Variants in CREB3L2 observed in about 807,000 individuals in gnomAD.
CREB3L2 encodes cyclic AMP-responsive element-binding protein 3-like protein 2.
In CREB3L2, 23 loss-of-function variants were observed where a neutral mutation model predicts 57.2. The ratio of observed to expected loss-of-function variants is 0.40; its 90% CI spans 0.29 to 0.57. CREB3L2 has a LOEUF of 0.57. Among genes scored for constraint, CREB3L2 ranks in the 20% least tolerant of loss-of-function variants. The probability of loss-of-function intolerance (pLI) is 0.42; values close to 1 mark genes in which losing one functional copy is unlikely to be tolerated. For synonymous variants in CREB3L2, 268 were observed against 265.1 expected (o/e 1.01, Z -0.11); for missense variants, 628 against 634.7 (o/e 0.99, Z 0.11).
chr7:137,927,327 C>T (rs971609944), intron 2 of CREB3L2, among the ~76,000 whole-genome samples: 18 of 112,796 alleles, frequency 1.6e-4, no homozygotes, highest in African/African-American at 5.7e-4. Flanking sequence ...AGGGAGGGAG[C>T]GAGAGGGAGG....
Position 137,915,852 on chromosome 7 carries a change from CAG to C in CREB3L2, c.478_479del (p.Leu160GlyfsTer7). 3 of 1,613,848 alleles carry C rather than the reference CAG, an allele frequency of 1.9e-6. No homozygotes were observed. Among genetic ancestry groups the C allele is most frequent in the Non-Finnish European group, 2.5e-6 (3 of 1,179,872 alleles). ...TTGAGCATACCCCAGTGTTCATTTC[CAG>C]AGGAGGTTCCTCCTTTTCCAACGGG... is the stretch of plus-strand genomic sequence containing the variant. The part of the protein sequence containing the change: ...STPLEKEEPP[L>X]EMNTGVDSSC... On this transcript the variant is annotated frameshift_variant, in exon 3 of 12. Transcript: ENST00000330387. LOFTEE classifies it high-confidence loss of function.
intron 1 of CREB3L2, among the ~76,000 whole-genome samples, chr7:137,972,738 G>C (rs60202298): frequency 7.5e-5 from 1 of 13,312 alleles, no homozygotes; most frequent in African/African-American, 3.7e-4. Flanking sequence ...TATATATATA[G>C]AGAGAGAGAG....
chr7:137,916,167 T>C (rs1800128331), intron 2 of CREB3L2, among the ~76,000 whole-genome samples, 155 bp from the exon 3 acceptor site: 1 of 152,166 alleles, frequency 6.6e-6, no homozygotes, highest in Admixed American at 6.5e-5. Flanking sequence ...AAAAGATTGA[T>C]AGATATGAAC....
chr7:137,899,072 AAAG>A (rs879781154), intron 8 of CREB3L2, among the ~76,000 whole-genome samples: 7,560 of 116,642 alleles, frequency 0.065, 348 homozygotes, highest in Admixed American at 0.095. Context: ...AAAGAGAAAG[AAAG>A]AAAAGGAAGA....
chr7:137,919,267 G>C (rs1297531489), intron 2 of CREB3L2, among the ~76,000 whole-genome samples: 2 of 151,890 alleles, frequency 1.3e-5, no homozygotes, highest in Non-Finnish European at 2.9e-5. Context: ...CACCTCCTGG[G>C]TTCAAGCGAT....
intron 1 of CREB3L2, among the ~76,000 whole-genome samples, chr7:137,970,836 C>T (rs1245559309): frequency 6.6e-6 from 1 of 152,206 alleles, no homozygotes; most frequent in African/African-American, 2.4e-5. Flanking sequence ...ATGTCTGGAA[C>T]CAACAGCATG....
intron 1 of CREB3L2, chr7:137,953,382 T>C: frequency 1.1e-6 from 1 of 931,754 alleles, no homozygotes; most frequent in South Asian, 1.4e-5. Context: ...GCCTTCTAAC[T>C]TCTCTGCACC....
At chr7:137,893,491 G>C (rs553119866) in intron 8 of CREB3L2, among the ~76,000 whole-genome samples, 1 of 152,244 alleles carries the variant, frequency 6.6e-6, no homozygotes, top group African/African-American at 2.4e-5. Context: ...GCTGGGGGTG[G>C]GTTCAGCCAG....
chr7:137,902,194 C>CAAAAAAAAAAAAA (rs58506555), intron 7 of CREB3L2, among the ~76,000 whole-genome samples: 1 of 84,930 alleles, frequency 1.2e-5, no homozygotes. Flanking sequence ...ACTCTGTCTC[C>CAAAAAAAAAAAAA]AAAAAAAAAA....
At chr7:137,963,160 T>C (rs767539540) in intron 1 of CREB3L2, among the ~76,000 whole-genome samples, 5 of 152,336 alleles carry the variant, frequency 3.3e-5, no homozygotes, top group Non-Finnish European at 7.3e-5. Flanking sequence ...GTCTATGTCA[T>C]CCTCAGATAT....
intron 2 of CREB3L2, among the ~76,000 whole-genome samples, chr7:137,918,806 A>G (rs1175106678): frequency 6.6e-6 from 1 of 152,212 alleles, no homozygotes; most frequent in South Asian, 2.1e-4. Context: ...AGTTATTCCA[A>G]TCTAGTGAGG....
intron 1 of CREB3L2, among the ~76,000 whole-genome samples, chr7:137,957,129 C>G (rs572183372): frequency 6.6e-6 from 1 of 152,258 alleles, no homozygotes; most frequent in South Asian, 2.1e-4. Context: ...GAACACAGCG[C>G]TCATCACTCC....
At chr7:137,954,284 T>C (rs1801164045) in intron 1 of CREB3L2, among the ~76,000 whole-genome samples, 1 of 152,078 alleles carries the variant, frequency 6.6e-6, no homozygotes. Context: ...GTATTATTTT[T>C]CCTGAAAAAG....
intron 1 of CREB3L2, among the ~76,000 whole-genome samples, chr7:137,976,139 G>A (rs945825958): frequency 2.6e-5 from 4 of 152,214 alleles, no homozygotes; most frequent in Non-Finnish European, 4.4e-5. Context: ...CAAGTATTGG[G>A]TTCAATATGG....
chr7:137,985,348 G>A (rs949767419), intron 1 of CREB3L2, among the ~76,000 whole-genome samples: 5 of 152,168 alleles, frequency 3.3e-5, no homozygotes, highest in African/African-American at 4.8e-5. Flanking sequence ...AAGGCTAGAC[G>A]CAGTTCAGGC....
chr7:137,936,987 G>C (rs1203631626), intron 1 of CREB3L2, among the ~76,000 whole-genome samples: 1 of 152,162 alleles, frequency 6.6e-6, no homozygotes, highest in Non-Finnish European at 1.5e-5. Context: ...GGCCACGGCA[G>C]GTAATAGGAT....
intron 1 of CREB3L2, among the ~76,000 whole-genome samples, chr7:137,976,992 T>C (rs536375647): frequency 1.3e-5 from 2 of 152,242 alleles, no homozygotes; most frequent in South Asian, 4.1e-4. Context: ...GGCCAAGGAA[T>C]GGGTTGGGAG....
At chr7:137,964,335 C>CA (rs1801374563) in intron 1 of CREB3L2, among the ~76,000 whole-genome samples, 1 of 151,860 alleles carries the variant, frequency 6.6e-6, no homozygotes, top group Non-Finnish European at 1.5e-5. Flanking sequence ...CAAAACAAAG[C>CA]AAAACAAACA....
chr7:137,961,045 T>G (rs901106952), intron 1 of CREB3L2, among the ~76,000 whole-genome samples: 3 of 151,862 alleles, frequency 2.0e-5, no homozygotes, highest in Non-Finnish European at 4.4e-5. Flanking sequence ...CCTCAGGCGA[T>G]CCAGCCACCT....
Sources: gnomAD v4.1 joint callset for allele counts (sites outside exome capture counted in the v4.1 genomes callset) on GRCh38, gnomAD v4.1.1 for gene constraint, MANE v1.5 for transcripts, NCBI Gene and HGNC (gene_info 2026-07-23, HGNC 2026-07-21) for gene names.